The following SNAI2 variants were observed in gnomAD, a reference collection of about 807,000 sequenced individuals.
The protein encoded by SNAI2 is zinc finger protein SNAI2.
SNAI2 carries 2 observed loss-of-function variants against 22.4 expected under a neutral mutation model. The ratio of observed to expected loss-of-function variants is 0.09; its 90% CI spans 0.04 to 0.28. The LOEUF (loss-of-function observed/expected upper bound fraction) is 0.28. Among genes scored for constraint, SNAI2 ranks in the 10% least tolerant of loss-of-function variants. SNAI2 has a pLI of 1.00. For synonymous variants in SNAI2, 134 were observed against 123.0 expected (o/e 1.09, Z -0.59); for missense variants, 239 against 320.8 (o/e 0.75, Z 1.95).
chr8:48,918,939 C>T lies in SNAI2; in HGVS notation c.675G>A (p.Arg225=). The part of the protein sequence containing the change: ...CPHCNRAFAD[R]SNLRAHLQTH... ...TCTGCAGATGAGCCCTCAGATTTGA[C>T]CTGTCTGCAAATGCTCTGTTGCAGT... Residue 225 remains arginine (R), a synonymous_variant, in exon 3 of 3, where the codon AGG becomes AGA. Transcript: ENST00000020945. The T allele has an allele frequency of 6.2e-7, 1 of 1,614,042 alleles. No homozygotes were observed. Among genetic ancestry groups the T allele is most frequent in the South Asian group, 1.1e-5 (1 of 91,064 alleles).
Position 48,918,060 on chromosome 8 carries a change from C to G in SNAI2, c.*747G>C, listed in dbSNP as rs1047014293. 1.5e-4 allele frequency: 23 copies of G among 152,100 alleles called. No individual in the cohort carries two copies. The highest frequency in any genetic ancestry group is 5.5e-4 in the African/African-American group (23 of 41,502). The allele number at this position is 152,100 out of a possible 1,614,324, so 9.4% of individuals were successfully genotyped here. A position where few individuals can be genotyped will look rare whatever the true frequency, so the allele number is the denominator to read the frequency against. On this transcript the variant is annotated 3_prime_UTR_variant, in exon 3 of 3. Transcript: ENST00000020945. The stretch of plus-strand genomic sequence containing the variant: ...TAAGAATCCTCTTTTGCACTTATTC[C>G]CATCTTTAATTAATTTTCAAAAATT...
In SNAI2 at chr8:48,918,912, G is replaced by A. The variant is rs1280328598; in HGVS notation, c.702C>T (p.Thr234=). 2.5e-6 allele frequency: 4 copies of A among 1,613,994 alleles called. No individual in the cohort carries two copies. The highest frequency in any genetic ancestry group is 3.4e-6 in the Non-Finnish European group (4 of 1,179,998). Residue 234 remains threonine (T), a synonymous_variant, in exon 3 of 3, where the codon ACC becomes ACT. Transcript: ENST00000020945. ...DRSNLRAHLQ[T]HSDVKKYQCK... ...ACTGGTATTTCTTTACATCAGAATG[G>A]GTCTGCAGATGAGCCCTCAGATTTG...
At chr8:48,920,922 C>T (rs1387651173) in intron 1 of SNAI2, among the ~76,000 whole-genome samples, 1 of 152,188 alleles carries the variant, frequency 6.6e-6, no homozygotes, top group Admixed American at 6.5e-5. Flanking sequence ...CTTTCACATA[C>T]TCATTATGCA....
rs550104943 is a variant in SNAI2, at chr8:48,918,538, G to C, written c.*269C>G. On this transcript the variant is annotated 3_prime_UTR_variant, in exon 3 of 3. Transcript: ENST00000020945. ...TTTCATTTTATCTTTGAAGAGAAAG[G>C]TTACTGTCTTTTATTCTCTCAATCT... 2.2e-6 allele frequency: 1 copy of C among 454,944 alleles called. No individual in the cohort carries two copies. The highest frequency in any genetic ancestry group is 2.0e-5 in the African/African-American group (1 of 51,006). The allele number at this position is 454,944 out of a possible 1,614,324, so 28.2% of individuals were successfully genotyped here.
At position 48,921,171 on chromosome 8, in the gene SNAI2, A is replaced by G. The variant is rs932444114; in HGVS notation, c.79+16T>C. On this transcript the variant is annotated intron_variant, in intron 1 of 2. Transcript: ENST00000020945. ...GCTCTAGATACGTAGTTCTAGATAT[A>G]TTTTTCTCTTTTTACCTGTATGTGT... 1.3e-6 allele frequency: 2 copies of G among 1,580,658 alleles called. No individual in the cohort carries two copies. Among genetic ancestry groups the G allele is most frequent in the Non-Finnish European group, 1.7e-6 (2 of 1,149,900 alleles).
At position 48,920,016 on chromosome 8, in the gene SNAI2, C is replaced by T. The variant is rs1806137309; in HGVS notation, c.505G>A (p.Val169Met). The change falls in exon 2 of 3, where the codon GTG becomes ATG. Residue 169 changes from valine (V) to methionine (M), a missense_variant. Transcript: ENST00000020945. ...TGCATCTTCAGGGCGCCCAGGCTCA[C>T]ATATTCCTTGTCACAGTATTTACAG... is the stretch of plus-strand genomic sequence containing the variant. ...FSCKYCDKEY[V>M]SLGALKMHIR... 6.2e-7 allele frequency: 1 copy of T among 1,614,116 alleles called. No homozygotes were observed. Among genetic ancestry groups the T allele is most frequent in the Admixed American group, 1.7e-5 (1 of 60,010 alleles).
chr8:48,920,571 C>A (rs973599070), intron 1 of SNAI2, 130 bp from the exon 2 acceptor site: 3 of 834,246 alleles, frequency 3.6e-6, no homozygotes, highest in Non-Finnish European at 5.9e-6. Flanking sequence ...AAGATAGACC[C>A]ATTTAGGAGG....
intron 1 of SNAI2, 97 bp downstream of exon 1, chr8:48,921,090 C>G: frequency 1.1e-6 from 1 of 930,282 alleles, no homozygotes; most frequent in Non-Finnish European, 1.8e-6. Flanking sequence ...ACAGTTGAAT[C>G]TTTGGCTCTT....
chr8:48,918,773 T>A lies in SNAI2; in HGVS notation c.*34A>T. 6.2e-7 allele frequency: 1 copy of A among 1,612,270 alleles called. No individual in the cohort carries two copies. Among genetic ancestry groups the A allele is most frequent in the African/African-American group, 1.3e-5 (1 of 75,016 alleles). ...GTCATTTGGCTTCGGAGTGAAGAAA[T>A]GCATTCTGTTCGAGTAAACATTGAT... On this transcript the variant is annotated 3_prime_UTR_variant, in exon 3 of 3. Transcript: ENST00000020945.
intron 1 of SNAI2, 81 bp from the exon 2 acceptor site, chr8:48,920,522 A>G (rs1172290001): frequency 3.2e-6 from 4 of 1,248,814 alleles, no homozygotes; most frequent in Non-Finnish European, 2.3e-6. Context: ...CACACACTGG[A>G]AAGATATTTA....
At chr8:48,921,054 C>T in intron 1 of SNAI2, 133 bp downstream of exon 1, 1 of 745,822 alleles carries the variant, frequency 1.3e-6, no homozygotes, top group Admixed American at 2.1e-5. Flanking sequence ...TGTAAGCTCC[C>T]TTTCAGGACA....
chr8:48,920,622 C>T (rs1806148682), intron 1 of SNAI2, among the ~76,000 whole-genome samples, 181 bp from the exon 2 acceptor site: 1 of 152,196 alleles, frequency 6.6e-6, no homozygotes, highest in South Asian at 2.1e-4. Context: ...ACCCTGGCAC[C>T]TACGGAGTTA....
chr8:48,918,669 G>GTGTGTGCATA lies in SNAI2; in HGVS notation c.*137_*138insTATGCACACA. On this transcript the variant is annotated 3_prime_UTR_variant, in exon 3 of 3. Transcript: ENST00000020945. Reference sequence around the variant, plus strand: ...GCTCTCTCTCTGTGGGTGTGTGTGTGTGTGTGTGCATATGTGTGTGTGTCT... The same window carrying GTGTGTGCATA: ...GCTCTCTCTCTGTGGGTGTGTGTGTGTGTGTGCATATGTGTGTGCATATGTGTGTGTGTCT... 1 of 737,524 alleles carries GTGTGTGCATA rather than the reference G, an allele frequency of 1.4e-6. No homozygotes were observed. Among genetic ancestry groups the GTGTGTGCATA allele is most frequent in the Non-Finnish European group, 2.4e-6 (1 of 415,102 alleles). The allele number at this position is 737,524 out of a possible 1,614,324, so 45.7% of individuals were successfully genotyped here. A position where few individuals can be genotyped will look rare whatever the true frequency, so the allele number is the denominator to read the frequency against.
chr8:48,919,396 G>A (rs1016060237), intron 2 of SNAI2, among the ~76,000 whole-genome samples: 1 of 152,104 alleles, frequency 6.6e-6, no homozygotes, highest in Non-Finnish European at 1.5e-5. Flanking sequence ...TCTGTGATAC[G>A]AATAAGAAAT....
At position 48,920,329 on chromosome 8, in the gene SNAI2, T is replaced by A. The variant is rs1157305855; in HGVS notation, c.192A>T (p.Pro64=). Residue 64 remains proline, a synonymous_variant, in exon 2 of 3, where the codon CCA becomes CCT. Transcript: ENST00000020945. ...SPITVWTTAA[P]FHAQLPNGLS... is the part of the protein sequence containing the mutation. ...GGCCATTGGGTAGCTGGGCGTGGAA[T>A]GGAGCAGCGGTAGTCCACACAGTGA... The A allele has an allele frequency of 6.2e-7, 1 of 1,611,850 alleles. No individual in the cohort carries two copies. The highest frequency in any genetic ancestry group is 8.5e-7 in the Non-Finnish European group (1 of 1,178,356).
rs768624071 is a variant in SNAI2 at position 48,920,420 on chromosome 8, T to G, written c.101A>C (p.Tyr34Ser). The change falls in exon 2 of 3, where the codon TAT (tyrosine) becomes TCT (serine). Residue 34 changes from tyrosine (Y) to serine (S), a missense_variant. Transcript: ENST00000020945. ...THTVIISPYL[Y>S]ESYSMPVIPQ... is the part of the protein sequence containing the mutation. ...TATGACAGGCATGGAGTAACTCTCA[T>G]AGAGATACGGGGAAATAATCACTGG... is the stretch of plus-strand genomic sequence containing the variant. 15 of 1,613,684 alleles carry G rather than the reference T, an allele frequency of 9.3e-6. No homozygotes were observed. The highest frequency in any genetic ancestry group is 1.6e-4 in the Middle Eastern group (1 of 6,082).
chr8:48,918,790 A>C lies in SNAI2; in HGVS notation c.*17T>G, dbSNP rs1806117152. Reference sequence around the variant, plus strand: ...TGAAGAAATGCATTCTGTTCGAGTAAACATTGATTGCGTCACTCAGTGTGC... The same window carrying C: ...TGAAGAAATGCATTCTGTTCGAGTACACATTGATTGCGTCACTCAGTGTGC... On this transcript the variant is annotated 3_prime_UTR_variant, in exon 3 of 3. Transcript: ENST00000020945. The C allele has an allele frequency of 6.2e-7, 1 of 1,613,708 alleles. No individual in the cohort carries two copies. The highest frequency in any genetic ancestry group is 8.5e-7 in the Non-Finnish European group (1 of 1,179,646).
intron 2 of SNAI2, 38 bp from the exon 3 acceptor site, chr8:48,919,026 G>A: frequency 6.3e-7 from 1 of 1,591,258 alleles, no homozygotes; most frequent in East Asian, 2.2e-5. Flanking sequence ...AAGACAGTCA[G>A]TGTTTTTAGA....
rs1806101358 is a variant in SNAI2, at chr8:48,917,874, A to T, written c.*933T>A. Reference sequence around the variant, plus strand: ...GTTGTTTATAGACATAGCTATAGACAACATCTCAGTTTCATACAGAACTCA... The same window carrying T: ...GTTGTTTATAGACATAGCTATAGACTACATCTCAGTTTCATACAGAACTCA... On this transcript the variant is annotated 3_prime_UTR_variant, in exon 3 of 3. Coordinates refer to ENST00000020945, the MANE Select transcript of SNAI2 (RefSeq NM_003068.5). 6.6e-6 allele frequency: 1 copy of T among 152,216 alleles called. No individual in the cohort carries two copies. Among genetic ancestry groups the T allele is most frequent in the African/African-American group, 2.4e-5 (1 of 41,456 alleles). The allele number at this position is 152,216 out of a possible 1,614,324, so 9.4% of individuals were successfully genotyped here. A position where few individuals can be genotyped will look rare whatever the true frequency, so the allele number is the denominator to read the frequency against.
Sources: gnomAD v4.1 joint callset for allele counts (sites outside exome capture counted in the v4.1 genomes callset) on GRCh38, gnomAD v4.1.1 for gene constraint, MANE v1.5 for transcripts, NCBI Gene and HGNC (gene_info 2026-07-23, HGNC 2026-07-21) for gene names.